CFAP69: variants seen among roughly 807,000 people sequenced by gnomAD.
CFAP69 encodes the protein cilia and flagella associated protein 69.
In CFAP69, 92 loss-of-function variants were observed where a neutral mutation model predicts 123.0. The ratio of observed to expected loss-of-function variants is 0.75; its 90% CI spans 0.63 to 0.89. CFAP69 has a LOEUF of 0.89. Among genes scored for constraint, CFAP69 ranks in the 40% least tolerant of loss-of-function variants. CFAP69 has a pLI of 0.00. For missense variants in CFAP69, 1,067 were observed against 1,096.9 expected (o/e 0.97, Z 0.39); for synonymous variants, 380 against 364.3 (o/e 1.04, Z -0.49).
At chr7:90,317,042 C>T in the CFAP69 span, 1 of 151,444 alleles carries the variant, frequency 6.6e-6, no homozygotes, top group Admixed American at 6.6e-5. Flanking sequence ...CTAGGTACCA[C>T]TTCGGCTCCT....
At position 90,275,590 on chromosome 7, in the gene CFAP69, CTTTTTT is replaced by C. The variant is rs57578763; in HGVS notation, c.985-1459_985-1454del. Among the ~76,000 whole-genome samples, 7 of 62,040 alleles carry C rather than the reference CTTTTTT, an allele frequency of 1.1e-4. No homozygotes were observed. The South Asian group carries it at 2.3e-3, about 20-fold the overall frequency. 40.7% of individuals were successfully genotyped at this position (62,040 alleles called of 152,430 possible). On this transcript the variant is annotated intron_variant, in intron 9 of 22. Transcript: ENST00000389297. ...TACGGCCTGCTCTCAGGCCAAAAGC[CTTTTTT>C]TTTTTTTTTTTTTTTTTTTTTTTGA...
intron 1 of CFAP69, among the ~76,000 whole-genome samples, chr7:90,246,148 T>C (rs2116466440): frequency 6.6e-6 from 1 of 152,292 alleles, no homozygotes; most frequent in East Asian, 1.9e-4. Context: ...GCTTGTACTG[T>C]ATTTGGTTTT....
chr7:90,296,222 C>A lies in CFAP69; in HGVS notation c.1776-1527C>A, dbSNP rs1374036160. On this transcript the variant is annotated intron_variant, in intron 15 of 22. Transcript: ENST00000389297. The stretch of plus-strand genomic sequence containing the variant: ...TTATCCAATGTTTAAAGTGCACCAA[C>A]ATCTTGAAACAGCAATGTCGACAAG... Among the ~76,000 whole-genome samples the A allele has an allele frequency of 5.9e-5, 9 of 152,254 alleles. No homozygotes were observed. In the East Asian group the frequency reaches 1.7e-3, roughly 29 times the overall value.
At chr7:90,293,693 G>A (rs144850537) in intron 15 of CFAP69, among the ~76,000 whole-genome samples, 42 of 152,132 alleles carry the variant, frequency 2.8e-4, no homozygotes, top group Admixed American at 8.5e-4. Context: ...TACTTGTTAC[G>A]CTGTTAACTC....
chr7:90,279,826 A>G lies in CFAP69; in HGVS notation c.1305A>G (p.Ile435Met). 1 of 1,613,112 alleles carries G rather than the reference A, an allele frequency of 6.2e-7. No individual in the cohort carries two copies. Among genetic ancestry groups the G allele is most frequent in the Non-Finnish European group, 8.5e-7 (1 of 1,179,802 alleles). ...TGTCATCAGTGGCTCCTTTATTAAT[A>G]GAAGAATACATGTCATGCCAGGGAA... ...ATLSSVAPLL[I>M]EEYMSCQGNA... is the part of the protein sequence containing the mutation. The change falls in exon 12 of 23, where the codon ATA becomes ATG. Residue 435 changes from isoleucine (I) to methionine (M), a missense_variant. By Grantham distance (10) the Ile-to-Met change is conservative (BLOSUM62 1). Coordinates refer to ENST00000389297, the MANE Select transcript of CFAP69 (RefSeq NM_001039706.3).
At chr7:90,300,124 G>A (rs1792566387) in intron 17 of CFAP69, 65 bp downstream of exon 17, 2 of 1,295,632 alleles carry the variant, frequency 1.5e-6, no homozygotes, top group Admixed American at 3.5e-5. Context: ...TCTTTAAATG[G>A]TATTAAGAAA....
At chr7:90,265,961 A>G (rs1799101665) in intron 5 of CFAP69, 8 of 152,148 alleles carry the variant, frequency 5.3e-5, no homozygotes, top group Admixed American at 5.2e-4. Flanking sequence ...GATCAGGGAA[A>G]CACTGGCTCT....
chr7:90,314,618 A>T (rs1287212138), downstream of CFAP69, among the ~76,000 whole-genome samples: 1 of 152,154 alleles, frequency 6.6e-6, no homozygotes, highest in Non-Finnish European at 1.5e-5. Context: ...GCCAAAAAAA[A>T]AGAAAAAGAA....
downstream of CFAP69, among the ~76,000 whole-genome samples, chr7:90,311,651 A>G (rs1794342485): frequency 6.6e-6 from 1 of 150,996 alleles, no homozygotes; most frequent in Non-Finnish European, 1.5e-5. Context: ...TCCTCTAGGG[A>G]TTTTCCATTA....
chr7:90,282,708 CA>C (rs1404151518), intron 12 of CFAP69, among the ~76,000 whole-genome samples, 183 bp from the exon 13 acceptor site: 13 of 151,946 alleles, frequency 8.6e-5, no homozygotes, highest in Non-Finnish European at 5.9e-5. Context: ...TTCCAAAACA[CA>C]TACTTCTATT....
intron 14 of CFAP69, 26 bp downstream of exon 14, chr7:90,286,425 T>G (rs946391340): frequency 6.2e-7 from 1 of 1,607,450 alleles, no homozygotes; most frequent in African/African-American, 1.3e-5. Flanking sequence ...AAAGTTTTGT[T>G]CAGGTCTCCC....
the CFAP69 span, among the ~76,000 whole-genome samples, chr7:90,316,182 A>T: frequency 6.6e-6 from 1 of 152,212 alleles, no homozygotes; most frequent in East Asian, 1.9e-4. Context: ...CTTATGAAGA[A>T]ATATTTGTGG....
chr7:90,280,775 T>G (rs1789367490), intron 12 of CFAP69, among the ~76,000 whole-genome samples: 1 of 152,250 alleles, frequency 6.6e-6, no homozygotes, highest in Admixed American at 6.5e-5. Flanking sequence ...ATAAGGAAGA[T>G]ATTGCCTCTT....
At chr7:90,310,043 A>G (rs1406565269) in intron 22 of CFAP69, 25 bp from the exon 23 acceptor site, 1 of 1,577,326 alleles carries the variant, frequency 6.3e-7, no homozygotes, top group South Asian at 1.2e-5. Context: ...ATGGACTTTT[A>G]GATATTTACC....
chr7:90,296,712 G>A (rs964035668), intron 15 of CFAP69, among the ~76,000 whole-genome samples: 1 of 152,150 alleles, frequency 6.6e-6, no homozygotes, highest in African/African-American at 2.4e-5. Flanking sequence ...GGAGATATAA[G>A]ACATCAGTCA....
At chr7:90,279,976 T>A (rs1789225040) in intron 12 of CFAP69, 83 bp downstream of exon 12, 7 of 1,018,654 alleles carry the variant, frequency 6.9e-6, no homozygotes, top group Non-Finnish European at 8.2e-6. Flanking sequence ...GAAATAACAA[T>A]GAAGTTAATT....
Position 90,245,365 on chromosome 7 carries a change from G to C in CFAP69, c.-60G>C, listed in dbSNP as rs1361341014. 1 of 1,449,994 alleles carries C rather than the reference G, an allele frequency of 6.9e-7. No homozygotes were observed. The highest frequency in any genetic ancestry group is 9.1e-7 in the Non-Finnish European group (1 of 1,100,848). The allele number at this position is 1,449,994 out of a possible 1,614,324, so 89.8% of individuals were successfully genotyped here. On this transcript the variant is annotated 5_prime_UTR_variant, in exon 1 of 23. Coordinates refer to ENST00000389297, the MANE Select transcript of CFAP69 (RefSeq NM_001039706.3). ...TGGCGGGGCCTCTTTGGGCCCAGCGGCTGCGGGCGCACTGTAGGACAGGAA... is the reference window on the plus strand; with the variant it reads ...TGGCGGGGCCTCTTTGGGCCCAGCGCCTGCGGGCGCACTGTAGGACAGGAA...
intron 20 of CFAP69, 126 bp downstream of exon 20, chr7:90,307,224 T>TCTG: frequency 1.4e-6 from 1 of 699,918 alleles, no homozygotes. Context: ...AACAATAATT[T>TCTG]ATTGTACATT....
At chr7:90,304,643 G>GA in intron 18 of CFAP69, 101 bp from the exon 19 acceptor site, 2 of 1,279,540 alleles carry the variant, frequency 1.6e-6, no homozygotes, top group Non-Finnish European at 1.1e-6. Flanking sequence ...TTTTAGATAG[G>GA]TAGATAGATA....
Sources: allele counts gnomAD v4.1 joint callset (sites outside exome capture counted in the v4.1 genomes callset), GRCh38; gene constraint gnomAD v4.1.1; transcripts MANE v1.5; gene names NCBI Gene and HGNC (gene_info 2026-07-23, HGNC 2026-07-21).